SOD2: variants seen among roughly 807,000 people sequenced by gnomAD.
SOD2 encodes the protein superoxide dismutase [Mn], mitochondrial.
SOD2 carries 11 observed loss-of-function variants against 27.0 expected under a neutral mutation model. The observed-to-expected ratio is 0.41, with a 90% CI of 0.26 to 0.67. The LOEUF (loss-of-function observed/expected upper bound fraction) is 0.67, where lower values mean the gene tolerates loss of function less well. Ranked by LOEUF, SOD2 falls within the 30% of genes least tolerant of loss-of-function variation. The probability of loss-of-function intolerance (pLI) is 0.34; values close to 1 mark genes in which losing one functional copy is unlikely to be tolerated. For synonymous variants in SOD2, 105 were observed against 103.0 expected (o/e 1.02, Z -0.12); for missense variants, 250 against 274.5 (o/e 0.91, Z 0.63).
Position 159,717,897 on chromosome 6 carries a change from A to ATGTGTGTGTG in SOD2, c.-116+9222_-116+9231dup, listed in dbSNP as rs66742481. 6.6e-3 allele frequency among the ~76,000 whole-genome samples: 982 copies of ATGTGTGTGTG among 149,574 alleles called. 11 individuals carry two copies. Among genetic ancestry groups the ATGTGTGTGTG allele is most frequent in the African/African-American group, 0.022 (901 of 40,462 alleles). On this transcript the variant is annotated intron_variant, in intron 1 of 2. Coordinates refer to the SOD2 transcript ENST00000401980. ...TATTCATACATATATATGTATGGAT[A>ATGTGTGTGTG]TGTGTGTGTGTGTGTGTGTGTGTGT...
intron 1 of SOD2, chr6:159,755,885 T>A (rs1179365505): frequency 2.6e-6 from 1 of 382,548 alleles, no homozygotes; most frequent in African/African-American, 2.1e-5. Flanking sequence ...TATTTTTATA[T>A]GAGTTAATGT....
intron 1 of SOD2, among the ~76,000 whole-genome samples, chr6:159,723,166 G>C (rs1778073130): frequency 6.6e-6 from 1 of 152,210 alleles, no homozygotes; most frequent in Admixed American, 6.5e-5. Flanking sequence ...GCTACAGCAA[G>C]TTCTCAATCG....
intron 1 of SOD2, among the ~76,000 whole-genome samples, chr6:159,714,592 T>C (rs1777892709): frequency 6.6e-6 from 1 of 152,232 alleles, no homozygotes; most frequent in African/African-American, 2.4e-5. Flanking sequence ...CACGGTACTA[T>C]AAAGCAATTC....
chr6:159,691,695 A>G (rs1416740313), intron 2 of SOD2: 6 of 151,128 alleles, frequency 4.0e-5, no homozygotes, highest in African/African-American at 1.5e-4. Flanking sequence ...AAAAGTCCAC[A>G]TACCCCTGGT....
chr6:159,718,871 C>G lies in SOD2; in HGVS notation c.-116+8258G>C, dbSNP rs1257103562. Among the ~76,000 whole-genome samples the G allele has an allele frequency of 5.9e-5, 9 of 152,318 alleles. No individual in the cohort carries two copies. The South Asian group carries it at 8.3e-4, about 14-fold the overall frequency. ...AGAATGGACTCAGCAGAGGTACTAA[C>G]TGGTGAAACAGCATGACATGGTCAT... On this transcript the variant is annotated intron_variant, in intron 1 of 2. Transcript: ENST00000401980.
rs532438283 is a variant in SOD2, at chr6:159,757,353, G to C, written c.-336+3684C>G. ...TTGTTTAGCTGATACAGGTATATCC[G>C]GTCTTCAGCAGTATGTTAAATACTG... On this transcript the variant is annotated intron_variant, in intron 1 of 7. Transcript: ENST00000546087. 2.0e-5 allele frequency among the ~76,000 whole-genome samples: 3 copies of C among 151,978 alleles called. No individual in the cohort carries two copies. The South Asian group carries it at 6.2e-4, about 32-fold the overall frequency.
intron 3 of SOD2, among the ~76,000 whole-genome samples, chr6:159,685,910 C>T (rs899855016): frequency 6.6e-6 from 1 of 152,116 alleles, no homozygotes; most frequent in South Asian, 2.1e-4. Context: ...GAAAGAAATA[C>T]TACTTTCTGT....
chr6:159,702,095 A>G (rs2040999044), intron 1 of SOD2, among the ~76,000 whole-genome samples: 1 of 152,160 alleles, frequency 6.6e-6, no homozygotes, highest in African/African-American at 2.4e-5. Flanking sequence ...AAGGGACCTT[A>G]CTTTATCATA....
rs567225149 is a variant in SOD2 at position 159,711,840 on chromosome 6, C to T, written c.-116+15289G>A. 1.9e-3 allele frequency among the ~76,000 whole-genome samples: 223 copies of T among 116,104 alleles called. 2 individuals are homozygous for T. The highest frequency in any genetic ancestry group is 9.6e-3 in the Middle Eastern group (2 of 208). The allele number at this position is 116,104 out of a possible 152,430, so 76.2% of individuals were successfully genotyped here. A position where few individuals can be genotyped will look rare whatever the true frequency, so the allele number is the denominator to read the frequency against. On this transcript the variant is annotated intron_variant, in intron 1 of 2. Coordinates refer to the SOD2 transcript ENST00000401980. The stretch of plus-strand genomic sequence containing the variant: ...CATAACCACCACTCAGCTGCTCTGA[C>T]CACCATAACCACCTCCATAACCACC...
intron 1 of SOD2, among the ~76,000 whole-genome samples, chr6:159,742,327 A>G (rs1223654825): frequency 6.6e-6 from 1 of 152,228 alleles, no homozygotes. Context: ...AGTCTCAGTC[A>G]TTGGAGAAGA....
intron 1 of SOD2, chr6:159,755,157 C>T: frequency 6.2e-7 from 1 of 1,614,136 alleles, no homozygotes; most frequent in Non-Finnish European, 8.5e-7. Context: ...CAGTCTCAGG[C>T]CTCTGCCCCA....
At chr6:159,712,611 CT>C (rs1326661496) in intron 1 of SOD2, among the ~76,000 whole-genome samples, 1 of 144,612 alleles carries the variant, frequency 6.9e-6, no homozygotes, top group Non-Finnish European at 1.5e-5. Flanking sequence ...GACCACTCAG[CT>C]GCTCTGACCT....
intron 1 of SOD2, chr6:159,755,784 T>TTTTTTTG (rs1779991396): frequency 9.7e-7 from 1 of 1,031,250 alleles, no homozygotes; most frequent in East Asian, 3.3e-5. Context: ...TTTTTTTTTT[T>TTTTTTTG]TTTTTTGCTT....
chr6:159,705,491 C>T (rs552850414), intron 1 of SOD2, among the ~76,000 whole-genome samples: 7 of 152,150 alleles, frequency 4.6e-5, no homozygotes, highest in African/African-American at 9.6e-5. Context: ...CTTCAGTAGC[C>T]GATTCGATCA....
chr6:159,737,976 T>A (rs1293827950), intron 1 of SOD2, among the ~76,000 whole-genome samples: 1 of 152,258 alleles, frequency 6.6e-6, no homozygotes, highest in African/African-American at 2.4e-5. Flanking sequence ...TGTGCAACTT[T>A]CACTGAGCCT....
rs1469179029 is a variant in SOD2 at position 159,734,219 on chromosome 6, G to A, written c.-116+10911C>T. Among the ~76,000 whole-genome samples the A allele has an allele frequency of 2.0e-5, 3 of 151,874 alleles. No individual in the cohort carries two copies. The East Asian group carries it at 5.8e-4, about 29-fold the overall frequency. ...ATGAGAGACAGGGTCTTACCACATT[G>A]CCCGGGCTCGGTTCAAACTCCTAGG... On this transcript the variant is annotated intron_variant, in intron 1 of 3. Transcript: ENST00000537657.
chr6:159,722,232 CA>C (rs938501839), intron 1 of SOD2, among the ~76,000 whole-genome samples: 1 of 151,774 alleles, frequency 6.6e-6, no homozygotes, highest in African/African-American at 2.4e-5. Flanking sequence ...AAAAAGCAAG[CA>C]AAAACACTTA....
At chr6:159,749,171 C>G (rs540233207), upstream of SOD2, 7 of 985,892 alleles carry the variant, frequency 7.1e-6, no homozygotes, top group Non-Finnish European at 8.4e-6. Flanking sequence ...GGTGTGGTAT[C>G]AAACTTCAGG....
chr6:159,744,144 G>C (rs1477586929), intron 1 of SOD2, among the ~76,000 whole-genome samples: 1 of 152,160 alleles, frequency 6.6e-6, no homozygotes, highest in Admixed American at 6.5e-5. Context: ...AAAGCCATCT[G>C]AGGACTTTAT....
Sources: allele counts gnomAD v4.1 joint callset (sites outside exome capture counted in the v4.1 genomes callset), GRCh38; gene constraint gnomAD v4.1.1; transcripts MANE v1.5; gene names NCBI Gene and HGNC (gene_info 2026-07-23, HGNC 2026-07-21).